Variants in FAM124A observed in about 807,000 individuals in gnomAD.
FAM124A encodes family with sequence similarity 124 member A.
A neutral mutation model predicts 24.5 loss-of-function variants in FAM124A; 23 were observed. That is an observed-to-expected ratio of 0.94 (90% CI 0.68 to 1.33). FAM124A has a LOEUF of 1.33. FAM124A is among the 40% of genes most tolerant of loss of function. The pLI is 0.00. For missense variants in FAM124A, 623 were observed against 722.8 expected, an observed-to-expected ratio of 0.86 and a Z score of 1.58; for synonymous variants, 287 against 314.7, an observed-to-expected ratio of 0.91 and a Z score of 0.93.
At chr13:51,280,355 C>A in intron 3 of FAM124A, 95 bp from the exon 4 acceptor site, 1 of 1,105,294 alleles carries the variant, frequency 9.0e-7, no homozygotes, top group Non-Finnish European at 1.3e-6. Flanking sequence ...ATTGCCATGA[C>A]ATTGCCAGGA....
chr13:51,255,358 AT>A (rs1275302780), intron 3 of FAM124A, among the ~76,000 whole-genome samples: 5 of 152,178 alleles, frequency 3.3e-5, no homozygotes, highest in Non-Finnish European at 5.9e-5. Flanking sequence ...TAAAATTTAA[AT>A]TTAAATTTCA....
Position 51,280,978 on chromosome 13 carries a change from G to A in FAM124A, c.1363G>A (p.Ala455Thr), listed in dbSNP as rs74087446. The change falls in exon 4 of 4, where the codon GCA (alanine) becomes ACA (threonine). Residue 455 changes from alanine (A) to threonine (T), a missense_variant. Ala to Thr is a moderately conservative substitution (Grantham distance 58). Coordinates refer to ENST00000322475, the MANE Select transcript of FAM124A (RefSeq NM_001242312.2). Reference protein sequence around the residue: ...LPSERCSSHWAAHKDSREGPL... With the variant: ...LPSERCSSHWTAHKDSREGPL... ...CTCCGAAAGATGCAGCAGCCACTGGGCAGCTCACAAGGATTCCAGGGAGGG... is the reference window on the plus strand; with the variant it reads ...CTCCGAAAGATGCAGCAGCCACTGGACAGCTCACAAGGATTCCAGGGAGGG... The A allele has an allele frequency of 6.2e-7, 1 of 1,614,040 alleles. No individual in the cohort carries two copies. The highest frequency in any genetic ancestry group is 1.7e-5 in the Admixed American group (1 of 60,018).
At chr13:51,240,910 TTCA>T (rs902517776) in intron 2 of FAM124A, among the ~76,000 whole-genome samples, 48 of 152,182 alleles carry the variant, frequency 3.2e-4, no homozygotes, top group Admixed American at 6.5e-4. Flanking sequence ...CACACAGATT[TTCA>T]TCAAGTTCCT....
chr13:51,282,167 C>T lies in FAM124A; in HGVS notation c.*911C>T, dbSNP rs549448850. 15 of 152,322 alleles carry T rather than the reference C, an allele frequency of 9.8e-5. No individual in the cohort carries two copies. Among genetic ancestry groups the T allele is most frequent in the African/African-American group, 3.6e-4 (15 of 41,574 alleles). The allele number at this position is 152,322 out of a possible 1,614,324, so 9.4% of individuals were successfully genotyped here. A position where few individuals can be genotyped will look rare whatever the true frequency, so the allele number is the denominator to read the frequency against. On this transcript the variant is annotated 3_prime_UTR_variant, in exon 4 of 4. Coordinates refer to ENST00000322475, the MANE Select transcript of FAM124A (RefSeq NM_001242312.2). ...CAGTCTAAGGACTATATTCAAATGA[C>T]AAGAGCCGCACTGTATACTGCTTTC...
chr13:51,248,385 T>A (rs1190134905), intron 2 of FAM124A, among the ~76,000 whole-genome samples: 1 of 152,210 alleles, frequency 6.6e-6, no homozygotes, highest in Non-Finnish European at 1.5e-5. Flanking sequence ...AATCCATGCC[T>A]CTTCTATTTA....
chr13:51,229,735 A>G (rs1175566900), intron 1 of FAM124A, among the ~76,000 whole-genome samples: 1 of 152,226 alleles, frequency 6.6e-6, no homozygotes, highest in Non-Finnish European at 1.5e-5. Flanking sequence ...TGCATCTACC[A>G]CAGTGGATAT....
intron 2 of FAM124A, among the ~76,000 whole-genome samples, chr13:51,249,758 A>G (rs574912545): frequency 7.2e-5 from 11 of 152,208 alleles, no homozygotes; most frequent in Non-Finnish European, 1.3e-4. Flanking sequence ...TTTTAGGCAT[A>G]TATCAGATTT....
At chr13:51,256,883 T>C (rs1360513645) in intron 3 of FAM124A, among the ~76,000 whole-genome samples, 1 of 152,170 alleles carries the variant, frequency 6.6e-6, no homozygotes, top group African/African-American at 2.4e-5. Flanking sequence ...CATTCTACTA[T>C]CTGTTTCTGT....
At chr13:51,240,242 C>T (rs1398051488) in intron 2 of FAM124A, among the ~76,000 whole-genome samples, 2 of 152,170 alleles carry the variant, frequency 1.3e-5, no homozygotes, top group Non-Finnish European at 2.9e-5. Context: ...CTTTCTAAAC[C>T]TTCTCTCCTT....
chr13:51,275,363 A>T (rs1394543602), intron 3 of FAM124A, among the ~76,000 whole-genome samples: 5 of 152,254 alleles, frequency 3.3e-5, no homozygotes, highest in African/African-American at 1.2e-4. Context: ...GGGTAACAGA[A>T]GGAGGCCCTG....
intron 2 of FAM124A, chr13:51,245,408 C>T (rs1445230970): frequency 6.1e-6 from 4 of 656,736 alleles, no homozygotes; most frequent in South Asian, 1.7e-5. Context: ...GTTGAACATA[C>T]CTGGCCCTCA....
In FAM124A at chr13:51,280,580, C is replaced by T. The variant is rs575885030; in HGVS notation, c.965C>T (p.Pro322Leu). The change falls in exon 4 of 4, where the codon CCG (proline) becomes CTG (leucine). Residue 322 changes from proline to leucine, a missense_variant. Transcript: ENST00000322475. The part of the protein sequence containing the change: ...SHTPGSSQQS[P>L]LNSPHPGPIR... ...ACACCTGGCAGCAGCCAGCAGTCCC[C>T]GCTCAACAGTCCTCACCCGGGGCCC... The T allele has an allele frequency of 4.2e-5, 68 of 1,614,150 alleles. No individual in the cohort carries two copies. The Middle Eastern group carries it at 6.6e-4, about 16-fold the overall frequency.
At chr13:51,255,290 A>G (rs1472138434) in intron 3 of FAM124A, among the ~76,000 whole-genome samples, 1 of 152,244 alleles carries the variant, frequency 6.6e-6, no homozygotes, top group African/African-American at 2.4e-5. Context: ...ATGCATGTCA[A>G]CTTTCTAGAG....
intron 2 of FAM124A, among the ~76,000 whole-genome samples, chr13:51,247,604 C>A (rs1296162387): frequency 6.6e-6 from 1 of 152,146 alleles, no homozygotes; most frequent in Admixed American, 6.5e-5. Context: ...TCCTTTACTT[C>A]GCATGGTGTT....
intron 3 of FAM124A, among the ~76,000 whole-genome samples, chr13:51,274,869 T>A (rs891013197): frequency 6.6e-6 from 1 of 152,174 alleles, no homozygotes; most frequent in African/African-American, 2.4e-5. Context: ...AAGTGAAGAT[T>A]TAACAATTAA....
At chr13:51,235,373 A>G (rs1204750466) in intron 2 of FAM124A, among the ~76,000 whole-genome samples, 1 of 152,034 alleles carries the variant, frequency 6.6e-6, no homozygotes, top group Non-Finnish European at 1.5e-5. Flanking sequence ...GAAAAGAAAA[A>G]CAATAATTAT....
intron 2 of FAM124A, chr13:51,245,335 C>T: frequency 1.4e-6 from 1 of 689,862 alleles, no homozygotes; most frequent in Non-Finnish European, 2.7e-6. Flanking sequence ...CTGGCGGATG[C>T]CATGTTGCCT....
intron 3 of FAM124A, among the ~76,000 whole-genome samples, chr13:51,261,023 CA>C (rs1954730888): frequency 6.6e-6 from 1 of 152,216 alleles, no homozygotes; most frequent in Non-Finnish European, 1.5e-5. Context: ...ATAACAGGCT[CA>C]GTAAGACCAT....
chr13:51,251,735 T>C lies in FAM124A; in HGVS notation c.368T>C (p.Leu123Pro), dbSNP rs749873706. 8 of 1,584,954 alleles carry C rather than the reference T, an allele frequency of 5.0e-6. No homozygotes were observed. Among genetic ancestry groups the C allele is most frequent in the African/African-American group, 1.3e-5 (1 of 74,254 alleles). The change falls in exon 3 of 4, where the codon CTG (leucine) becomes CCG (proline). Residue 123 changes from leucine (L) to proline (P), a missense_variant. By Grantham distance (98) the Leu-to-Pro change is moderately conservative. Coordinates refer to ENST00000322475, the MANE Select transcript of FAM124A (RefSeq NM_001242312.2). This position sits in a 1 kb window ranked among gnomAD's most constrained non-coding sequence, Gnocchi z 5.3. Reference protein sequence around the residue: ...EEQILQLHRTLQQPPWRHHHT... With the variant: ...EEQILQLHRTPQQPPWRHHHT... ...CAGATCCTGCAGCTGCACCGCACAC[T>C]GCAGCAGCCGCCCTGGCGCCACCAC... is the stretch of plus-strand genomic sequence containing the variant.
Sources: allele counts gnomAD v4.1 joint callset (sites outside exome capture counted in the v4.1 genomes callset), GRCh38; gene constraint gnomAD v4.1.1; non-coding constraint Gnocchi (gnomAD v3.1); transcripts MANE v1.5; gene names NCBI Gene and HGNC (gene_info 2026-07-23, HGNC 2026-07-21).